Variants in DCC observed in about 807,000 individuals in gnomAD.
DCC encodes the protein DCC netrin 1 receptor.
A neutral mutation model predicts 172.5 loss-of-function variants in DCC; 58 were observed. That is an observed-to-expected ratio of 0.34 (90% CI 0.27 to 0.42). DCC has a LOEUF of 0.42. Among genes scored for constraint, DCC ranks in the 10% least tolerant of loss-of-function variants. The pLI, the probability that DCC is intolerant of heterozygous loss-of-function variation, is 1.00. For missense variants in DCC, 1,740 were observed against 1,791.0 expected (o/e 0.97, Z 0.51); for synonymous variants, 709 against 644.5 (o/e 1.10, Z -1.52).
rs2046518076 is a variant in DCC at position 53,530,839 on chromosome 18, G to C, written c.*186G>C. On this transcript the variant is annotated 3_prime_UTR_variant, in exon 29 of 29. Transcript: ENST00000442544. ...GCATTCCTTCTTTCACAGGCATCAG[G>C]AATTGTCAAATGATGATTATGAGTT... 9.1e-6 allele frequency: 6 copies of C among 657,900 alleles called. No individual in the cohort carries two copies. The allele number at this position is 657,900 out of a possible 1,614,324, so 40.8% of individuals were successfully genotyped here. A position where few individuals can be genotyped will look rare whatever the true frequency, so the allele number is the denominator to read the frequency against.
intron 1 of DCC, among the ~76,000 whole-genome samples, chr18:52,596,732 C>T (rs1178733008): frequency 6.6e-6 from 1 of 152,212 alleles, no homozygotes; most frequent in Non-Finnish European, 1.5e-5. Context: ...ATTTCTCCTA[C>T]ACTGTCAATG....
intron 8 of DCC, among the ~76,000 whole-genome samples, chr18:53,171,085 A>C (rs1286854144): frequency 6.6e-6 from 1 of 152,110 alleles, no homozygotes; most frequent in East Asian, 1.9e-4. Flanking sequence ...GGGTTTCACC[A>C]GATTGGCCAG....
At position 53,497,447 on chromosome 18, in the gene DCC, T is replaced by C. The variant is rs186230031; in HGVS notation, c.3899-1851T>C. Among the ~76,000 whole-genome samples, 4 of 152,326 alleles carry C rather than the reference T, an allele frequency of 2.6e-5. No individual in the cohort carries two copies. The East Asian group carries it at 7.7e-4, about 29-fold the overall frequency. ...GCCCACATTAAGGTAAACTTTCTTA[T>C]GGGAACAAAGAGTGAGGAGAGGACT... On this transcript the variant is annotated intron_variant, in intron 26 of 28. Coordinates refer to ENST00000442544, the MANE Select transcript of DCC (RefSeq NM_005215.4).
intron 1 of DCC, among the ~76,000 whole-genome samples, chr18:52,362,904 C>T (rs1214209156): frequency 2.0e-5 from 3 of 152,030 alleles, no homozygotes; most frequent in African/African-American, 7.2e-5. Context: ...TTCCTTCTTT[C>T]CTTTCTTTCT....
intron 1 of DCC, among the ~76,000 whole-genome samples, chr18:52,549,292 A>G (rs1238112039): frequency 2.0e-5 from 3 of 152,072 alleles, no homozygotes; most frequent in Non-Finnish European, 4.4e-5. Flanking sequence ...CACTGGAGAT[A>G]CGGACATTCT....
rs191434678 is a variant in DCC, at chr18:53,033,578, A to G, written c.986-29727A>G. Among the ~76,000 whole-genome samples, 207 of 152,188 alleles carry G rather than the reference A, an allele frequency of 1.4e-3. 1 individual carries two copies. The highest frequency in any genetic ancestry group is 4.3e-3 in the African/African-American group (179 of 41,526). ...TGTCTCAGCCTCTCTATCAATGCAC[A>G]CTGGTTCCCATTCCTCCTTGAGACG... On this transcript the variant is annotated intron_variant, in intron 5 of 28. Coordinates refer to ENST00000442544, the MANE Select transcript of DCC (RefSeq NM_005215.4).
intron 2 of DCC, among the ~76,000 whole-genome samples, chr18:52,888,106 A>G (rs2039594833): frequency 6.6e-6 from 1 of 152,220 alleles, no homozygotes; most frequent in Non-Finnish European, 1.5e-5. Flanking sequence ...GTGATTGAAA[A>G]TACTTTTTCA....
chr18:52,521,727 T>C (rs1426223857), intron 1 of DCC, among the ~76,000 whole-genome samples: 1 of 152,142 alleles, frequency 6.6e-6, no homozygotes, highest in Non-Finnish European at 1.5e-5. Flanking sequence ...AAAACTAAAC[T>C]GGAAAAGGTG....
At chr18:53,308,793 G>A (rs1485738845) in intron 13 of DCC, among the ~76,000 whole-genome samples, 4 of 152,096 alleles carry the variant, frequency 2.6e-5, no homozygotes, top group East Asian at 1.9e-4. Context: ...AAAATACCAC[G>A]AATTTCGTAA....
At chr18:52,815,199 AAGTT>A (rs1393566377) in intron 2 of DCC, among the ~76,000 whole-genome samples, 1 of 152,124 alleles carries the variant, frequency 6.6e-6, no homozygotes. Flanking sequence ...AATGAGTAGA[AAGTT>A]AGGTAATTGA....
chr18:52,874,688 T>A (rs1339835002), intron 2 of DCC, among the ~76,000 whole-genome samples: 2 of 152,138 alleles, frequency 1.3e-5, no homozygotes, highest in Non-Finnish European at 2.9e-5. Context: ...TGGTATTTTG[T>A]TTAATGAAAT....
At position 52,356,832 on chromosome 18, in the gene DCC, G is replaced by T. The variant is rs368471577; in HGVS notation, c.91+15954G>T. Reference sequence around the variant, plus strand: ...GAGTCTCACTCTGTCGCCTAGGCTGGAGTGCAGTGATGTGATTTTAGCTCA... The same window carrying T: ...GAGTCTCACTCTGTCGCCTAGGCTGTAGTGCAGTGATGTGATTTTAGCTCA... On this transcript the variant is annotated intron_variant, in intron 1 of 28. Coordinates refer to ENST00000442544, the MANE Select transcript of DCC (RefSeq NM_005215.4). Among the ~76,000 whole-genome samples, 149 of 152,080 alleles carry T rather than the reference G, an allele frequency of 9.8e-4. 1 individual carries two copies. Among genetic ancestry groups the T allele is most frequent in the South Asian group, 1.5e-3 (7 of 4,800 alleles).
At chr18:52,903,176 C>T (rs932162233) in intron 2 of DCC, among the ~76,000 whole-genome samples, 1 of 152,094 alleles carries the variant, frequency 6.6e-6, no homozygotes, top group Non-Finnish European at 1.5e-5. Context: ...AAAAGACATT[C>T]GGATGTAAAA....
intron 21 of DCC, among the ~76,000 whole-genome samples, chr18:53,431,277 GCTT>G (rs1911593300): frequency 1.5e-5 from 2 of 129,436 alleles, no homozygotes; most frequent in African/African-American, 3.1e-5. Flanking sequence ...TTTGGCAGAA[GCTT>G]TTTTTTTTTT....
At chr18:53,109,947 AT>A (rs905474623) in intron 7 of DCC, among the ~76,000 whole-genome samples, 99 of 149,432 alleles carry the variant, frequency 6.6e-4, no homozygotes, top group Middle Eastern at 3.4e-3. Context: ...CTCTGAAAGT[AT>A]TTTTTTTTTC....
At chr18:53,216,485 C>T (rs2055852300) in intron 12 of DCC, among the ~76,000 whole-genome samples, 1 of 152,180 alleles carries the variant, frequency 6.6e-6, no homozygotes, top group Non-Finnish European at 1.5e-5. Flanking sequence ...GCAAAGTTTT[C>T]AACCTTAGCA....
chr18:52,625,390 T>G (rs918070536), intron 1 of DCC, among the ~76,000 whole-genome samples: 3 of 152,196 alleles, frequency 2.0e-5, no homozygotes, highest in African/African-American at 7.2e-5. Flanking sequence ...TCAACAACTA[T>G]GAATTATCCT....
At chr18:52,442,003 C>T (rs1987986095) in intron 1 of DCC, among the ~76,000 whole-genome samples, 2 of 152,208 alleles carry the variant, frequency 1.3e-5, no homozygotes, top group African/African-American at 2.4e-5. Context: ...GTAGCTTGTG[C>T]CTGATAAAAG....
intron 7 of DCC, among the ~76,000 whole-genome samples, chr18:53,132,031 A>G (rs1397642008): frequency 1.8e-5 from 2 of 112,590 alleles, no homozygotes; most frequent in Non-Finnish European, 3.4e-5. Flanking sequence ...CTTGCAGTTC[A>G]TTATTGTTTA....
Sources: gnomAD v4.1 joint callset for allele counts (sites outside exome capture counted in the v4.1 genomes callset) on GRCh38, gnomAD v4.1.1 for gene constraint, MANE v1.5 for transcripts, NCBI Gene and HGNC (gene_info 2026-07-23, HGNC 2026-07-21) for gene names.